The following SHTN1 variants were observed in gnomAD, a reference collection of about 807,000 sequenced individuals.
SHTN1 encodes the protein shootin 1.
A neutral mutation model predicts 83.1 loss-of-function variants in SHTN1; 42 were observed. The ratio of observed to expected loss-of-function variants is 0.51; its 90% CI spans 0.39 to 0.65. The LOEUF is 0.65. SHTN1 is among the 30% of genes least tolerant of loss of function. SHTN1 has a pLI of 0.00. For synonymous variants in SHTN1, 224 were observed against 247.7 expected, an observed-to-expected ratio of 0.90 and a Z score of 0.90; for missense variants, 622 against 737.8, an observed-to-expected ratio of 0.84 and a Z score of 1.82.
intron 1 of SHTN1, among the ~76,000 whole-genome samples, chr10:117,121,541 T>C (rs889570851): frequency 2.0e-5 from 3 of 151,494 alleles, no homozygotes; most frequent in African/African-American, 7.3e-5. Flanking sequence ...ATCATGCCAC[T>C]ATACTCCAGC....
At chr10:116,998,131 G>A (rs1252857289) in intron 1 of SHTN1, among the ~76,000 whole-genome samples, 2 of 152,190 alleles carry the variant, frequency 1.3e-5, no homozygotes, top group East Asian at 3.8e-4. Context: ...ACCGCTTTGA[G>A]GGGGAACATC....
chr10:116,997,888 C>T (rs1216080170), intron 1 of SHTN1, among the ~76,000 whole-genome samples: 1 of 152,086 alleles, frequency 6.6e-6, no homozygotes, highest in Non-Finnish European at 1.5e-5. Flanking sequence ...GTCAGGAGAC[C>T]GAAACCATCC....
chr10:117,056,579 GCAGGTGGATCACCTGAGGT>G (rs1852829429), intron 1 of SHTN1, among the ~76,000 whole-genome samples: 2 of 152,122 alleles, frequency 1.3e-5, no homozygotes, highest in South Asian at 4.1e-4. Flanking sequence ...GGAGGCCGAG[GCAGGTGGATCACCTGAGGT>G]CAGGAGATCA....
intron 11 of SHTN1, among the ~76,000 whole-genome samples, chr10:116,923,660 A>T (rs1848641570): frequency 6.6e-6 from 1 of 151,698 alleles, no homozygotes; most frequent in African/African-American, 2.4e-5. Context: ...CACTCAACTG[A>T]TCTTACTGCC....
intron 1 of SHTN1, among the ~76,000 whole-genome samples, chr10:116,981,197 T>C (rs1851006504): frequency 6.6e-6 from 1 of 152,156 alleles, no homozygotes; most frequent in African/African-American, 2.4e-5. Flanking sequence ...CACTTGCCTG[T>C]AGTCCCAGAT....
intron 1 of SHTN1, among the ~76,000 whole-genome samples, chr10:117,086,207 C>G (rs569618030): frequency 2.1e-4 from 32 of 152,094 alleles, no homozygotes; most frequent in Non-Finnish European, 4.1e-4. Context: ...CGTGAGCCAC[C>G]GCGTCCATCA....
At chr10:117,005,263 G>A (rs1032541827), upstream of SHTN1, 4 of 1,445,838 alleles carry the variant, frequency 2.8e-6, no homozygotes, top group South Asian at 4.2e-5. Flanking sequence ...GCACCTACTC[G>A]GCGGCTGCGG....
intron 1 of SHTN1, among the ~76,000 whole-genome samples, chr10:117,065,167 G>A (rs1852957809): frequency 6.6e-6 from 1 of 152,110 alleles, no homozygotes; most frequent in Admixed American, 6.5e-5. Flanking sequence ...GAGGTTGGGG[G>A]CAAGGGGAAG....
At chr10:116,960,895 C>T (rs1018826955) in intron 3 of SHTN1, among the ~76,000 whole-genome samples, 2 of 152,122 alleles carry the variant, frequency 1.3e-5, no homozygotes, top group African/African-American at 4.8e-5. Flanking sequence ...TAAAATTTTA[C>T]TTGATATGTC....
intron 1 of SHTN1, among the ~76,000 whole-genome samples, chr10:117,110,775 T>C (rs1199282256): frequency 1.3e-5 from 2 of 152,190 alleles, no homozygotes; most frequent in African/African-American, 4.8e-5. Flanking sequence ...AGGCATCACA[T>C]TCACAGTGCC....
intron 3 of SHTN1, among the ~76,000 whole-genome samples, chr10:116,960,707 G>T (rs933276801): frequency 6.6e-6 from 1 of 152,086 alleles, no homozygotes; most frequent in African/African-American, 2.4e-5. Flanking sequence ...GTGATGTGGC[G>T]ACTTGGCTAA....
At position 117,018,311 on chromosome 10, in the gene SHTN1, C is replaced by T. The variant is rs141003634; in HGVS notation, c.-123+30134G>A. Among the ~76,000 whole-genome samples the T allele has an allele frequency of 4.0e-4, 60 of 151,856 alleles. No individual in the cohort carries two copies. The East Asian group carries it at 0.011, about 28-fold the overall frequency. On this transcript the variant is annotated intron_variant, in intron 2 of 17. Coordinates refer to the SHTN1 transcript ENST00000392901. ...CTTTTCTGTAAATCTAAAATTATTC[C>T]AGAATAAGAAGCTACACATCAACTG...
chr10:116,916,314 A>G (rs1339350749), intron 12 of SHTN1, among the ~76,000 whole-genome samples: 1 of 152,230 alleles, frequency 6.6e-6, no homozygotes, highest in African/African-American at 2.4e-5. Flanking sequence ...CCAAAATCAC[A>G]GAACCATTTC....
intron 1 of SHTN1, among the ~76,000 whole-genome samples, chr10:117,002,193 T>C (rs1851844761): frequency 6.6e-6 from 1 of 152,190 alleles, no homozygotes; most frequent in African/African-American, 2.4e-5. Flanking sequence ...ATCCAACAAT[T>C]CCATTTCTTC....
At chr10:117,032,266 C>T (rs962283755) in intron 2 of SHTN1, among the ~76,000 whole-genome samples, 9 of 152,032 alleles carry the variant, frequency 5.9e-5, no homozygotes, top group African/African-American at 9.7e-5. Context: ...TGCAGTGGCG[C>T]GATCTTGGCT....
intron 8 of SHTN1, among the ~76,000 whole-genome samples, chr10:116,941,034 T>C (rs1168578024): frequency 6.6e-5 from 10 of 152,346 alleles, no homozygotes; most frequent in Middle Eastern, 3.4e-3. Context: ...GTGATAGATA[T>C]GGTGGGAATC....
At chr10:117,028,863 A>C (rs1852366611) in intron 2 of SHTN1, among the ~76,000 whole-genome samples, 1 of 152,154 alleles carries the variant, frequency 6.6e-6, no homozygotes, top group African/African-American at 2.4e-5. Context: ...TACTAAGGCA[A>C]TGAAGAGGGG....
chr10:117,075,397 T>A (rs1054770672), intron 1 of SHTN1, among the ~76,000 whole-genome samples: 2 of 152,184 alleles, frequency 1.3e-5, no homozygotes, highest in African/African-American at 4.8e-5. Context: ...AATCACAAGA[T>A]CCTTCATTCA....
intron 2 of SHTN1, among the ~76,000 whole-genome samples, chr10:117,044,796 T>C (rs1852637281): frequency 6.6e-6 from 1 of 152,098 alleles, no homozygotes; most frequent in African/African-American, 2.4e-5. Flanking sequence ...TGCCTAACAA[T>C]GAGAGACGAT....
Sources: allele counts gnomAD v4.1 joint callset (sites outside exome capture counted in the v4.1 genomes callset), GRCh38; gene constraint gnomAD v4.1.1; transcripts MANE v1.5; gene names NCBI Gene and HGNC (gene_info 2026-07-23, HGNC 2026-07-21).